TFB2M: variants seen among roughly 807,000 people sequenced by gnomAD.
The protein encoded by TFB2M is transcription factor B2, mitochondrial.
Under a neutral mutation model 41.3 loss-of-function variants are expected in TFB2M, and 44 were observed. The observed-to-expected ratio is 1.07, with a 90% CI of 0.84 to 1.37. The LOEUF is 1.37. Among genes scored for constraint, TFB2M ranks in the 40% most tolerant of loss-of-function variants. The pLI is 0.00. For missense variants in TFB2M, 496 were observed against 490.2 expected, an observed-to-expected ratio of 1.01 and a Z score of -0.11; for synonymous variants, 188 against 176.8, an observed-to-expected ratio of 1.06 and a Z score of -0.50.
intron 5 of TFB2M, 31 bp from the exon 6 acceptor site, chr1:246,548,638 C>A (rs1659089813): frequency 2.5e-6 from 4 of 1,599,104 alleles, no homozygotes; most frequent in Non-Finnish European, 1.7e-6. Context: ...AAAACAACAT[C>A]TTTTATTTCT....
chr1:246,542,351 A>G (rs1187100658), intron 7 of TFB2M, among the ~76,000 whole-genome samples: 1 of 151,886 alleles, frequency 6.6e-6, no homozygotes, highest in Non-Finnish European at 1.5e-5. Context: ...ACAAACCATC[A>G]ATAAGCCTCC....
At chr1:246,564,234 G>A in intron 2 of TFB2M, 112 bp downstream of exon 2, 8 of 833,256 alleles carry the variant, frequency 9.6e-6, no homozygotes, top group Non-Finnish European at 1.5e-5. Flanking sequence ...TTTCAGAGAT[G>A]GCTCCCTAAA....
intron 6 of TFB2M, among the ~76,000 whole-genome samples, chr1:246,546,600 T>A (rs1201991156): frequency 2.7e-5 from 4 of 146,426 alleles, no homozygotes; most frequent in Non-Finnish European, 4.5e-5. Context: ...GGTGACAGAA[T>A]GAGACTTTGC....
At chr1:246,545,290 G>A (rs1224415630) in intron 6 of TFB2M, among the ~76,000 whole-genome samples, 3 of 152,040 alleles carry the variant, frequency 2.0e-5, no homozygotes, top group Admixed American at 2.0e-4. Context: ...CAGCACTTTG[G>A]GAGGCCAAGG....
rs547931792 is a variant in TFB2M, at chr1:246,555,910, C to T, written c.705+663G>A. Among the ~76,000 whole-genome samples the T allele has an allele frequency of 6.1e-4, 93 of 152,192 alleles. 1 individual carries two copies. The highest frequency in any genetic ancestry group is 2.2e-3 in the African/African-American group (91 of 41,546). ...GGTTCAAGTGATTCTCCTGTTTTAG[C>T]CTCCCAAGTAGCTGGGATTACAGGC... is the stretch of plus-strand genomic sequence containing the variant. On this transcript the variant is annotated intron_variant, in intron 4 of 7. Coordinates refer to ENST00000366514, the MANE Select transcript of TFB2M (RefSeq NM_022366.3).
At chr1:246,556,765 A>C in intron 3 of TFB2M, 44 bp from the exon 4 acceptor site, 2 of 1,480,616 alleles carry the variant, frequency 1.4e-6, no homozygotes, top group Non-Finnish European at 1.8e-6. Flanking sequence ...AGTTCTTAGC[A>C]TTTTGTCCTA....
At chr1:246,548,006 G>GCACGATCTTGGCT (rs1659070018) in intron 6 of TFB2M, among the ~76,000 whole-genome samples, 1 of 149,676 alleles carries the variant, frequency 6.7e-6, no homozygotes, top group South Asian at 2.1e-4. Flanking sequence ...GAGTGCAGTG[G>GCACGATCTTGGCT]CACGATCTTG....
intron 2 of TFB2M, among the ~76,000 whole-genome samples, chr1:246,561,898 T>C (rs533220527): frequency 1.3e-5 from 2 of 152,324 alleles, no homozygotes; most frequent in South Asian, 4.1e-4. Context: ...ATAGGCTTTT[T>C]TTTTTCCTCA....
intron 2 of TFB2M, among the ~76,000 whole-genome samples, chr1:246,557,961 G>A (rs1331916216): frequency 1.3e-5 from 2 of 151,028 alleles, no homozygotes; most frequent in African/African-American, 2.4e-5. Flanking sequence ...GAGCCACCAC[G>A]CCCGGCTGAA....
chr1:246,561,608 C>G (rs541015122), intron 2 of TFB2M, among the ~76,000 whole-genome samples: 1 of 152,252 alleles, frequency 6.6e-6, no homozygotes, highest in African/African-American at 2.4e-5. Context: ...ACTGGGATTA[C>G]AGGCATGAAC....
At chr1:246,562,144 G>C (rs1180757085) in intron 2 of TFB2M, among the ~76,000 whole-genome samples, 1 of 152,014 alleles carries the variant, frequency 6.6e-6, no homozygotes, top group Non-Finnish European at 1.5e-5. Context: ...AGTTTTAAAA[G>C]AATTAAACAA....
intron 4 of TFB2M, among the ~76,000 whole-genome samples, chr1:246,552,663 C>T (rs1659217242): frequency 6.6e-6 from 1 of 151,864 alleles, no homozygotes; most frequent in South Asian, 2.1e-4. Context: ...CATACCACGA[C>T]ATTCAAGCCT....
At chr1:246,565,703 T>A (rs540775688) in intron 1 of TFB2M, 123 bp downstream of exon 1, 2 of 1,088,164 alleles carry the variant, frequency 1.8e-6, no homozygotes, top group African/African-American at 1.6e-5. Flanking sequence ...ACAGCGAGAC[T>A]CCGTCTCAAA....
intron 4 of TFB2M, among the ~76,000 whole-genome samples, chr1:246,551,548 T>C (rs1032855697): frequency 5.3e-5 from 8 of 151,952 alleles, no homozygotes; most frequent in African/African-American, 1.7e-4. Flanking sequence ...TGCCTGTGAA[T>C]AGCCACAGCA....
intron 4 of TFB2M, among the ~76,000 whole-genome samples, chr1:246,552,970 C>T (rs1659225968): frequency 6.6e-6 from 1 of 152,052 alleles, no homozygotes; most frequent in African/African-American, 2.4e-5. Flanking sequence ...ACCTGTAATC[C>T]CAGCACTTTG....
intron 2 of TFB2M, among the ~76,000 whole-genome samples, chr1:246,563,635 G>T (rs150496883): frequency 6.6e-6 from 1 of 151,788 alleles, no homozygotes; most frequent in Non-Finnish European, 1.5e-5. Context: ...GGATGATGAC[G>T]ATGTCAAACA....
chr1:246,540,761 A>G lies in TFB2M; in HGVS notation c.*270T>C. On this transcript the variant is annotated 3_prime_UTR_variant, in exon 8 of 8. Transcript: ENST00000366514. ...AAAAATCAGCAACAGTACAAGTGAA[A>G]TATTTAAATAGGAATCTGAAACAAA... The G allele has an allele frequency of 5.9e-6, 2 of 341,134 alleles. No homozygotes were observed. The highest frequency in any genetic ancestry group is 1.1e-4 in the East Asian group (2 of 18,062). The allele number at this position is 341,134 out of a possible 1,614,324, so 21.1% of individuals were successfully genotyped here. A position where few individuals can be genotyped will look rare whatever the true frequency, so the allele number is the denominator to read the frequency against.
chr1:246,545,118 T>C (rs1037169049), intron 6 of TFB2M, among the ~76,000 whole-genome samples: 4 of 152,322 alleles, frequency 2.6e-5, no homozygotes, highest in South Asian at 4.1e-4. Context: ...CATTTTCTTA[T>C]TGTGTACACC....
intron 5 of TFB2M, among the ~76,000 whole-genome samples, chr1:246,549,214 T>C (rs530941984): frequency 6.6e-6 from 1 of 151,968 alleles, no homozygotes; most frequent in East Asian, 1.9e-4. Context: ...AAAAACCTAG[T>C]GTCAATTTTA....
Sources: allele counts gnomAD v4.1 joint callset (sites outside exome capture counted in the v4.1 genomes callset), GRCh38; gene constraint gnomAD v4.1.1; transcripts MANE v1.5; gene names NCBI Gene and HGNC (gene_info 2026-07-23, HGNC 2026-07-21).